Variants in CPNE4 observed in about 807,000 individuals in gnomAD.
The protein encoded by CPNE4 is copine 4.
A neutral mutation model predicts 67.9 loss-of-function variants in CPNE4; 25 were observed. The ratio of observed to expected loss-of-function variants is 0.37; its 90% CI spans 0.27 to 0.51. The LOEUF is 0.51. Among genes scored for constraint, CPNE4 ranks in the 20% least tolerant of loss-of-function variants. The pLI is 0.93. For synonymous variants in CPNE4, 242 were observed against 244.9 expected, an observed-to-expected ratio of 0.99 and a Z score of 0.11; for missense variants, 464 against 690.8, an observed-to-expected ratio of 0.67 and a Z score of 3.68.
chr3:131,904,506 T>A (rs770681450), intron 2 of CPNE4, among the ~76,000 whole-genome samples: 2 of 152,050 alleles, frequency 1.3e-5, no homozygotes, highest in Non-Finnish European at 2.9e-5. Context: ...AGTTTATGTT[T>A]CTCTATAGAT....
Position 131,534,663 on chromosome 3 carries a change from T to C in CPNE4, c.*532A>G, listed in dbSNP as rs1016287503. On this transcript the variant is annotated 3_prime_UTR_variant, in exon 16 of 16. Transcript: ENST00000429747. ...AGAAGTAAATAAACCTCTTCTTTAG[T>C]AGAGAGACCATTCTCAGCAGGGAGG... is the stretch of plus-strand genomic sequence containing the variant. The C allele has an allele frequency of 3.3e-5, 5 of 152,304 alleles. No homozygotes were observed. Among genetic ancestry groups the C allele is most frequent in the East Asian group, 1.9e-4 (1 of 5,202 alleles). 9.4% of individuals were successfully genotyped at this position (152,304 alleles called of 1,614,324 possible). A position where few individuals can be genotyped will look rare whatever the true frequency, so the allele number is the denominator to read the frequency against.
intron 7 of CPNE4, among the ~76,000 whole-genome samples, chr3:131,591,417 C>T (rs1466179489): frequency 1.3e-5 from 2 of 152,132 alleles, no homozygotes; most frequent in African/African-American, 4.8e-5. Flanking sequence ...GGGCACACAT[C>T]CCATTCACCC....
intron 7 of CPNE4, among the ~76,000 whole-genome samples, chr3:131,607,987 A>G (rs1939604711): frequency 6.6e-6 from 1 of 152,288 alleles, no homozygotes; most frequent in Non-Finnish European, 1.5e-5. Flanking sequence ...CTATACATCT[A>G]CTACATTGTC....
At chr3:132,003,188 A>G (rs985273522) in intron 1 of CPNE4, among the ~76,000 whole-genome samples, 1 of 152,270 alleles carries the variant, frequency 6.6e-6, no homozygotes. Flanking sequence ...GAATGTACAC[A>G]CTACATTCAT....
At chr3:131,535,652 T>A (rs1242654466) in intron 15 of CPNE4, among the ~76,000 whole-genome samples, 1 of 152,234 alleles carries the variant, frequency 6.6e-6, no homozygotes, top group Non-Finnish European at 1.5e-5. Context: ...ATGTTCCAGG[T>A]GCCACACTAG....
chr3:131,826,989 G>A (rs192582030), intron 2 of CPNE4, among the ~76,000 whole-genome samples: 42 of 152,204 alleles, frequency 2.8e-4, no homozygotes, highest in African/African-American at 9.6e-4. Context: ...GTGAGCTTCT[G>A]TGATTGCATC....
chr3:131,633,655 G>A (rs1485573109), intron 7 of CPNE4, among the ~76,000 whole-genome samples: 1 of 152,084 alleles, frequency 6.6e-6, no homozygotes, highest in East Asian at 1.9e-4. Flanking sequence ...TAGAATTTGT[G>A]TGATATGGCT....
intron 2 of CPNE4, among the ~76,000 whole-genome samples, chr3:131,806,349 G>A (rs1288177156): frequency 6.6e-6 from 1 of 152,114 alleles, no homozygotes; most frequent in East Asian, 1.9e-4. Context: ...AGGAGATCGA[G>A]ACCATCCTGG....
At chr3:131,725,472 T>C (rs1383011987) in intron 2 of CPNE4, among the ~76,000 whole-genome samples, 2 of 152,234 alleles carry the variant, frequency 1.3e-5, no homozygotes, top group East Asian at 1.9e-4. Flanking sequence ...GACCAAAGGT[T>C]ATCTGCCTGT....
chr3:132,029,619 T>C (rs975537800), intron 1 of CPNE4, among the ~76,000 whole-genome samples: 5 of 152,178 alleles, frequency 3.3e-5, no homozygotes, highest in African/African-American at 7.2e-5. Flanking sequence ...GCCCTACACT[T>C]GGATAAGAAA....
At chr3:131,691,998 A>G (rs2081045106) in intron 5 of CPNE4, among the ~76,000 whole-genome samples, 1 of 152,182 alleles carries the variant, frequency 6.6e-6, no homozygotes, top group Non-Finnish European at 1.5e-5. Context: ...AGTTCAGTTC[A>G]AAAAAGATGA....
At chr3:131,845,508 A>G (rs2085962644) in intron 2 of CPNE4, among the ~76,000 whole-genome samples, 1 of 152,216 alleles carries the variant, frequency 6.6e-6, no homozygotes, top group African/African-American at 2.4e-5. Flanking sequence ...TCTGAAGGCT[A>G]AAAGTTAACT....
At chr3:131,573,554 T>A (rs927216252) in intron 10 of CPNE4, among the ~76,000 whole-genome samples, 1 of 152,202 alleles carries the variant, frequency 6.6e-6, no homozygotes, top group Non-Finnish European at 1.5e-5. Flanking sequence ...ACAGAGTTGT[T>A]CAAGAGCATG....
At position 131,635,856 on chromosome 3, in the gene CPNE4, C is replaced by T. The variant is rs929580154; in HGVS notation, c.681+33819G>A. Among the ~76,000 whole-genome samples, 6 of 83,840 alleles carry T rather than the reference C, an allele frequency of 7.2e-5. 2 individuals carry two copies. The highest frequency in any genetic ancestry group is 6.5e-4 in the South Asian group (2 of 3,078). 55.0% of individuals were successfully genotyped at this position (83,840 alleles called of 152,430 possible). ...AGGCACTTTGGGAGGCCGAGGCGGG[C>T]GGATCACGAGGTCAGGAGATCGAGA... On this transcript the variant is annotated intron_variant, in intron 7 of 15. Coordinates refer to ENST00000429747, the MANE Select transcript of CPNE4 (RefSeq NM_130808.3).
intron 2 of CPNE4, among the ~76,000 whole-genome samples, chr3:131,730,234 A>T (rs1396476653): frequency 6.6e-6 from 1 of 152,216 alleles, no homozygotes; most frequent in Non-Finnish European, 1.5e-5. Context: ...GATGCATATT[A>T]TAATTGATAT....
intron 7 of CPNE4, among the ~76,000 whole-genome samples, chr3:131,611,180 A>C (rs953226713): frequency 1.3e-5 from 2 of 152,212 alleles, no homozygotes; most frequent in African/African-American, 4.8e-5. Context: ...CCAAAGGAGA[A>C]TGAGATAGCC....
chr3:131,741,338 A>G (rs1364222596), intron 2 of CPNE4, among the ~76,000 whole-genome samples: 1 of 152,192 alleles, frequency 6.6e-6, no homozygotes, highest in Non-Finnish European at 1.5e-5. Context: ...CTGACGACAT[A>G]TCAGGTCCAC....
chr3:131,766,028 G>C (rs145405309), intron 2 of CPNE4, among the ~76,000 whole-genome samples: 2 of 152,230 alleles, frequency 1.3e-5, no homozygotes, highest in Non-Finnish European at 2.9e-5. Flanking sequence ...AAATTGATAG[G>C]TTGGGGAATC....
intron 1 of CPNE4, among the ~76,000 whole-genome samples, chr3:131,939,508 C>G (rs2071326898): frequency 7.3e-6 from 1 of 136,522 alleles, no homozygotes; most frequent in Non-Finnish European, 1.5e-5. Context: ...GTTGGAAGAG[C>G]TGGGTGGATG....
Sources: gnomAD v4.1 joint callset for allele counts (sites outside exome capture counted in the v4.1 genomes callset) on GRCh38, gnomAD v4.1.1 for gene constraint, MANE v1.5 for transcripts, NCBI Gene and HGNC (gene_info 2026-07-23, HGNC 2026-07-21) for gene names.